The following ATP5PO variants were observed in gnomAD, a reference collection of about 807,000 sequenced individuals.
ATP5PO encodes the protein ATP synthase peripheral stalk subunit OSCP.
A neutral mutation model predicts 26.2 loss-of-function variants in ATP5PO; 14 were observed. The observed-to-expected ratio is 0.53, with a 90% CI of 0.35 to 0.83. The LOEUF (loss-of-function observed/expected upper bound fraction) is 0.83. ATP5PO is among the 40% of genes least tolerant of loss of function. The pLI is 0.01. For synonymous variants in ATP5PO, 106 were observed against 95.1 expected, an observed-to-expected ratio of 1.12 and a Z score of -0.67; for missense variants, 241 against 258.5, an observed-to-expected ratio of 0.93 and a Z score of 0.46.
In ATP5PO at chr21:33,909,222, C is replaced by A. The variant is rs767819239; in HGVS notation, c.199-11G>T. 1.9e-6 allele frequency: 3 copies of A among 1,604,238 alleles called. No individual in the cohort carries two copies. Among genetic ancestry groups the A allele is most frequent in the East Asian group, 2.2e-5 (1 of 44,820 alleles). ...TTCCTTCAGGATTTGCTGAAAGCAT[C>A]AAAAAATAATTTCTTAAATTTTTTA... is the stretch of plus-strand genomic sequence containing the variant. On this transcript the variant is annotated splice_polypyrimidine_tract_variant and intron_variant, in intron 3 of 6. Coordinates refer to ENST00000290299, the MANE Select transcript of ATP5PO (RefSeq NM_001697.3).
In ATP5PO at chr21:33,907,368, C is replaced by T; in HGVS notation, c.414G>A (p.Glu138=). ...FSTMMSVHRG[E]VPCTVTSASP... is the part of the protein sequence containing the mutation. ...ATGCAGAGGTCACTGTGCAAGGTACCTCTCCGCGATGGACACTCATCATGG... is the reference window on the plus strand; with the variant it reads ...ATGCAGAGGTCACTGTGCAAGGTACTTCTCCGCGATGGACACTCATCATGG... The change falls in exon 5 of 7, where the codon GAG becomes GAA. Residue 138 remains glutamate (E), a synonymous_variant. Coordinates refer to ENST00000290299, the MANE Select transcript of ATP5PO (RefSeq NM_001697.3). 6.2e-7 allele frequency: 1 copy of T among 1,614,074 alleles called. No homozygotes were observed.
At chr21:33,905,936 AAAG>A (rs1987166439) in intron 5 of ATP5PO, among the ~76,000 whole-genome samples, 1 of 150,950 alleles carries the variant, frequency 6.6e-6, no homozygotes. Context: ...AAAAAAAAAA[AAAG>A]AAAATCATGT....
intron 1 of ATP5PO, 200 bp downstream of exon 1, chr21:33,915,528 A>C (rs1987302333): frequency 1.4e-6 from 1 of 724,612 alleles, no homozygotes. Flanking sequence ...CGGCACGCGC[A>C]GCCCCGCGCC....
Position 33,915,376 on chromosome 21 carries a change from G to C in ATP5PO, c.36+352C>G, listed in dbSNP as rs1987300264. ...CATTACTAGTAAGTGATCTCTGACA[G>C]GTTTTACCACAATGGCAAAGGAAGC... is the stretch of plus-strand genomic sequence containing the variant. On this transcript the variant is annotated intron_variant, in intron 1 of 6. Transcript: ENST00000290299. 2.3e-5 allele frequency: 8 copies of C among 351,752 alleles called. 1 individual carries two copies. The South Asian group carries it at 3.1e-4, about 13-fold the overall frequency. The allele number at this position is 351,752 out of a possible 1,614,324, so 21.8% of individuals were successfully genotyped here. A position where few individuals can be genotyped will look rare whatever the true frequency, so the allele number is the denominator to read the frequency against.
In ATP5PO at chr21:33,909,067, A is replaced by G. The variant is rs1987212870; in HGVS notation, c.328+15T>C. On this transcript the variant is annotated intron_variant, in intron 4 of 6. Transcript: ENST00000290299. ...AGTTTCAAGACACCTCAAATGAAAA[A>G]GTTCTAATACTCACTGATCAGATTG... The G allele has an allele frequency of 1.3e-6, 2 of 1,576,266 alleles. No homozygotes were observed. The highest frequency in any genetic ancestry group is 2.3e-5 in the East Asian group (1 of 44,432).
In ATP5PO at chr21:33,915,760, C is replaced by T. The variant is rs1185269096; in HGVS notation, c.4G>A (p.Ala2Thr). The T allele has an allele frequency of 5.1e-6, 8 of 1,572,950 alleles. No homozygotes were observed. Among genetic ancestry groups the T allele is most frequent in the Non-Finnish European group, 6.9e-6 (8 of 1,159,644 alleles). Residue 2 changes from alanine to threonine, a missense_variant, in exon 1 of 7, where the codon GCT becomes ACT. Around this residue, in one of 3 missense-constraint regions of ATP5PO, gnomAD observed 125 missense variants for 108.5 expected, o/e 1.15. Transcript: ENST00000290299. M[A>T]APAVSGLSRQ... is the part of the protein sequence containing the mutation. ...GAGAGCCCGGACACTGCTGGGGCAG[C>T]CATCTTCTCCCGGGCGGCTGTAGGT...
intron 3 of ATP5PO, among the ~76,000 whole-genome samples, chr21:33,911,736 G>A (rs1344284199): frequency 7.4e-6 from 1 of 135,668 alleles, no homozygotes; most frequent in Non-Finnish European, 1.5e-5. Context: ...GCGCGATCTC[G>A]GCTCACTGCA....
Position 33,912,388 on chromosome 21 carries a change from C to T in ATP5PO, c.99G>A (p.Gln33=), listed in dbSNP as rs1569367650. The T allele has an allele frequency of 6.2e-7, 1 of 1,610,072 alleles. No individual in the cohort carries two copies. The highest frequency in any genetic ancestry group is 1.3e-5 in the African/African-American group (1 of 74,886). Residue 33 remains glutamine (Q), a synonymous_variant, in exon 3 of 7, where the codon CAG becomes CAA. Coordinates refer to ENST00000290299, the MANE Select transcript of ATP5PO (RefSeq NM_001697.3). ...PFAKLVRPPV[Q]VYGIEGRYAT... is the part of the protein sequence containing the mutation. ...CATAGCGACCTTCAATACCGTATAC[C>T]TGAACAGGAGGCTTTAAAAAAAAGG...
At chr21:33,915,344 T>C (rs1285426899) in intron 1 of ATP5PO, 1 of 240,680 alleles carries the variant, frequency 4.2e-6, no homozygotes, top group Admixed American at 5.9e-5. Flanking sequence ...TTACAAATAT[T>C]CCTTAGCATT....
intron 1 of ATP5PO, chr21:33,915,446 G>A: frequency 4.0e-6 from 2 of 501,790 alleles, no homozygotes; most frequent in East Asian, 3.8e-5. Flanking sequence ...ATTCAGCGAA[G>A]GGCAGACCCC....
At chr21:33,914,252 T>C (rs1987285538) in intron 2 of ATP5PO, among the ~76,000 whole-genome samples, 198 bp downstream of exon 2, 1 of 152,142 alleles carries the variant, frequency 6.6e-6, no homozygotes, top group Admixed American at 6.5e-5. Context: ...ATTTAAAGAT[T>C]ATGCATGGGC....
At chr21:33,910,521 G>A (rs905183549) in intron 3 of ATP5PO, among the ~76,000 whole-genome samples, 15 of 152,040 alleles carry the variant, frequency 9.9e-5, no homozygotes, top group African/African-American at 3.6e-4. Flanking sequence ...TTTTCTCCAT[G>A]TCTCGACTGA....
chr21:33,912,342 C>A lies in ATP5PO; in HGVS notation c.145G>T (p.Ala49Ser), dbSNP rs1987260335. 1 of 1,613,252 alleles carries A rather than the reference C, an allele frequency of 6.2e-7. No individual in the cohort carries two copies. The highest frequency in any genetic ancestry group is 1.7e-5 in the Admixed American group (1 of 59,972). Residue 49 changes from alanine (A) to serine (S), a missense_variant, in exon 3 of 7, where the codon GCA (alanine) becomes TCA (serine). Transcript: ENST00000290299. ...TGCTCCAGCTTATTCTGTTTTGATGCAGCAGAATAAAGAGCTGTGGCATAG... is the reference window on the plus strand; with the variant it reads ...TGCTCCAGCTTATTCTGTTTTGATGAAGCAGAATAAAGAGCTGTGGCATAG... ...GRYATALYSAASKQNKLEQVE... is the reference protein window; with the variant it reads ...GRYATALYSASSKQNKLEQVE...
At chr21:33,909,239 A>G (rs757343083) in intron 3 of ATP5PO, 28 bp from the exon 4 acceptor site, 1 of 1,600,656 alleles carries the variant, frequency 6.2e-7, no homozygotes, top group Non-Finnish European at 8.5e-7. Flanking sequence ...TAATTTCTTA[A>G]ATTTTTTAGA....
chr21:33,907,268 T>C, intron 5 of ATP5PO, 73 bp downstream of exon 5: 1 of 1,333,528 alleles, frequency 7.5e-7, no homozygotes, highest in South Asian at 1.3e-5. Context: ...TACCCTGTTT[T>C]TCCCTTTTCT....
chr21:33,910,211 G>A (rs1233385325), intron 3 of ATP5PO, among the ~76,000 whole-genome samples: 1 of 152,048 alleles, frequency 6.6e-6, no homozygotes, highest in Non-Finnish European at 1.5e-5. Context: ...TTTCAATTAC[G>A]CTCCTAGCAC....
At chr21:33,914,330 C>T (rs1013530585) in intron 2 of ATP5PO, 120 bp downstream of exon 2, 16 of 977,978 alleles carry the variant, frequency 1.6e-5, no homozygotes, top group Non-Finnish European at 2.3e-5. Context: ...TTTTGGGAAC[C>T]ACAAGTCACG....
chr21:33,912,787 G>A (rs758617171), intron 2 of ATP5PO, among the ~76,000 whole-genome samples: 2 of 152,250 alleles, frequency 1.3e-5, no homozygotes, highest in East Asian at 3.9e-4. Flanking sequence ...AGACAGTTTC[G>A]AGTATGTTAG....
intron 5 of ATP5PO, among the ~76,000 whole-genome samples, chr21:33,906,203 G>C (rs1987170406): frequency 6.6e-6 from 1 of 152,156 alleles, no homozygotes; most frequent in African/African-American, 2.4e-5. Context: ...TAGAAGGTTA[G>C]ACTGTCCTTT....
Sources: allele counts gnomAD v4.1 joint callset (sites outside exome capture counted in the v4.1 genomes callset), GRCh38; gene constraint gnomAD v4.1.1; regional missense constraint gnomAD v4.1.1; transcripts MANE v1.5; gene names NCBI Gene and HGNC (gene_info 2026-07-23, HGNC 2026-07-21).